Variants in PRKG2 observed in about 807,000 individuals in gnomAD.
PRKG2 encodes the protein protein kinase cGMP-dependent 2, also known as cGMP-dependent protein kinase 2.
Under a neutral mutation model 97.2 loss-of-function variants are expected in PRKG2, and 33 were observed. That is an observed-to-expected ratio of 0.34 (90% CI 0.26 to 0.45). PRKG2 has a LOEUF of 0.45. Ranked by LOEUF, PRKG2 falls within the 20% of genes least tolerant of loss-of-function variation. The pLI, the probability that PRKG2 is intolerant of heterozygous loss-of-function variation, is 1.00. For missense variants in PRKG2, 638 were observed against 900.0 expected, an observed-to-expected ratio of 0.71 and a Z score of 3.73; for synonymous variants, 330 against 321.8, an observed-to-expected ratio of 1.03 and a Z score of -0.27.
chr4:81,191,812 G>A (rs1752548506), intron 2 of PRKG2, among the ~76,000 whole-genome samples: 1 of 152,028 alleles, frequency 6.6e-6, no homozygotes, highest in South Asian at 2.1e-4. Flanking sequence ...CAGCAGAATG[G>A]CCAAAATGAA....
At chr4:81,158,749 G>A (rs1344978887) in intron 6 of PRKG2, among the ~76,000 whole-genome samples, 2 of 152,046 alleles carry the variant, frequency 1.3e-5, no homozygotes, top group Admixed American at 6.5e-5. Flanking sequence ...CCAAAACAGA[G>A]ATATAGATCA....
In PRKG2 at chr4:81,184,561, TC is replaced by T. The variant is rs555295568; in HGVS notation, c.462-9603del. Among the ~76,000 whole-genome samples, 3 of 152,104 alleles carry T rather than the reference TC, an allele frequency of 2.0e-5. No individual in the cohort carries two copies. In the South Asian group the frequency reaches 6.2e-4, roughly 32 times the overall value. Reference sequence around the variant, plus strand: ...AAACCAGTACAAAAAGGCTGAAAATTCCAAAAACCAGAATGCCTCCCCTCCA... The same window carrying T: ...AAACCAGTACAAAAAGGCTGAAAATTCAAAAACCAGAATGCCTCCCCTCCA... On this transcript the variant is annotated intron_variant, in intron 2 of 18. Transcript: ENST00000264399.
chr4:81,089,512 T>C lies in PRKG2; in HGVS notation c.*196A>G, dbSNP rs1741339824. ...AGCAAATAATGTAATACATCAATAA[T>C]TCACAGCATCTAAATAAGACACTAT... On this transcript the variant is annotated 3_prime_UTR_variant, in exon 19 of 19. Coordinates refer to ENST00000264399, the MANE Select transcript of PRKG2 (RefSeq NM_006259.3). 4.5e-6 allele frequency: 2 copies of C among 448,292 alleles called. No individual in the cohort carries two copies. The highest frequency in any genetic ancestry group is 6.8e-5 in the East Asian group (2 of 29,250). 27.8% of individuals were successfully genotyped at this position (448,292 alleles called of 1,614,324 possible). A position where few individuals can be genotyped will look rare whatever the true frequency, so the allele number is the denominator to read the frequency against.
chr4:81,213,190 GC>G (rs1754096759), intron 1 of PRKG2, among the ~76,000 whole-genome samples: 1 of 151,958 alleles, frequency 6.6e-6, no homozygotes, highest in African/African-American at 2.4e-5. Context: ...GCAGGTAGAA[GC>G]AAAAAAGAAA....
chr4:81,217,080 A>G (rs1754307843), upstream of PRKG2, among the ~76,000 whole-genome samples: 3 of 146,576 alleles, frequency 2.0e-5, no homozygotes, highest in Admixed American at 2.1e-4. Context: ...ATAAAACCAC[A>G]TTTATAAATC....
intron 9 of PRKG2, 109 bp downstream of exon 9, chr4:81,148,775 A>T: frequency 1.1e-6 from 1 of 928,418 alleles, no homozygotes; most frequent in South Asian, 1.4e-5. Context: ...GAGATCGGCC[A>T]GTATTTCCAA....
intron 14 of PRKG2, among the ~76,000 whole-genome samples, chr4:81,130,219 T>C (rs1746033018): frequency 6.6e-6 from 1 of 152,204 alleles, no homozygotes; most frequent in East Asian, 1.9e-4. Flanking sequence ...ATGCTATTCC[T>C]TTCTGTTTGT....
intron 2 of PRKG2, among the ~76,000 whole-genome samples, chr4:81,198,169 C>T (rs1023678455): frequency 6.6e-6 from 1 of 152,146 alleles, no homozygotes; most frequent in African/African-American, 2.4e-5. Flanking sequence ...TAACGCCTAG[C>T]AACTAAGACT....
At chr4:81,108,477 G>GTTTTT (rs58784804) in intron 15 of PRKG2, among the ~76,000 whole-genome samples, 1 of 138,774 alleles carries the variant, frequency 7.2e-6, no homozygotes, top group Non-Finnish European at 1.6e-5. Flanking sequence ...AACACTATTG[G>GTTTTT]TTTTTTTTTT....
chr4:81,087,599 C>A lies in PRKG2; in HGVS notation c.*2109G>T, dbSNP rs1306662012. The A allele has an allele frequency of 6.6e-6, 1 of 152,076 alleles. No homozygotes were observed. The highest frequency in any genetic ancestry group is 2.4e-5 in the African/African-American group (1 of 41,432). 9.4% of individuals were successfully genotyped at this position (152,076 alleles called of 1,614,324 possible). On this transcript the variant is annotated 3_prime_UTR_variant, in exon 19 of 19. Transcript: ENST00000264399. ...CAAAAGACTCTCTACATAACTTAAT[C>A]CCTGAAACAAACCTCTAAGTAAATA... is the stretch of plus-strand genomic sequence containing the variant.
chr4:81,119,686 T>C (rs1466427601), intron 14 of PRKG2, among the ~76,000 whole-genome samples: 4 of 152,178 alleles, frequency 2.6e-5, no homozygotes, highest in Admixed American at 1.3e-4. Flanking sequence ...GAATTTTTTT[T>C]TTTTTTTAGG....
At chr4:81,164,773 C>T (rs1749845249) in intron 6 of PRKG2, among the ~76,000 whole-genome samples, 2 of 152,124 alleles carry the variant, frequency 1.3e-5, no homozygotes, top group African/African-American at 4.8e-5. Context: ...CTCATCCCAG[C>T]CTCAAACACC....
intron 3 of PRKG2, among the ~76,000 whole-genome samples, chr4:81,172,601 G>A (rs1750584020): frequency 6.6e-6 from 1 of 151,868 alleles, no homozygotes. Context: ...TTCTTTTTTT[G>A]CCTTGGCAGC....
chr4:81,097,127 C>T (rs1742196397), intron 17 of PRKG2, among the ~76,000 whole-genome samples: 1 of 152,144 alleles, frequency 6.6e-6, no homozygotes, highest in Non-Finnish European at 1.5e-5. Context: ...TGTGCCACTG[C>T]ACTCCAGCCT....
In PRKG2 at chr4:81,105,779, T is replaced by C. The variant is rs751432674; in HGVS notation, c.2063+34A>G. 3.1e-6 allele frequency: 5 copies of C among 1,608,706 alleles called. No individual in the cohort carries two copies. In the Admixed American group the frequency reaches 8.4e-5, roughly 27 times the overall value. Reference sequence around the variant, plus strand: ...CAGAAACCGAAGCCTTTAGACTTTCTTCAAGACAAGGGGTTACTGACTGTC... The same window carrying C: ...CAGAAACCGAAGCCTTTAGACTTTCCTCAAGACAAGGGGTTACTGACTGTC... On this transcript the variant is annotated intron_variant, in intron 16 of 18. Transcript: ENST00000264399.
chr4:81,204,044 T>C (rs1423891170), intron 2 of PRKG2, among the ~76,000 whole-genome samples: 1 of 152,214 alleles, frequency 6.6e-6, no homozygotes, highest in Non-Finnish European at 1.5e-5. Context: ...GTATACTGTT[T>C]ACCGCCCCTG....
At chr4:81,182,895 T>C (rs932296333) in intron 2 of PRKG2, among the ~76,000 whole-genome samples, 1 of 152,006 alleles carries the variant, frequency 6.6e-6, no homozygotes, top group Non-Finnish European at 1.5e-5. Flanking sequence ...CCTAACTAAA[T>C]GGAGGAATAT....
chr4:81,122,709 A>T (rs1261028885), intron 14 of PRKG2, among the ~76,000 whole-genome samples: 1 of 152,094 alleles, frequency 6.6e-6, no homozygotes, highest in African/African-American at 2.4e-5. Flanking sequence ...CTGACCCCTC[A>T]TAGATATTGC....
At position 81,100,769 on chromosome 4, in the gene PRKG2, G is replaced by A. The variant is rs1226647509; in HGVS notation, c.2126+3601C>T. Among the ~76,000 whole-genome samples the A allele has an allele frequency of 2.0e-5, 3 of 152,260 alleles. No homozygotes were observed. The South Asian group carries it at 6.2e-4, about 32-fold the overall frequency. Reference sequence around the variant, plus strand: ...CACAGCAAAAGAAACTACCATCAGAGTGAACAGGCAACCTACAGAATGGGA... The same window carrying A: ...CACAGCAAAAGAAACTACCATCAGAATGAACAGGCAACCTACAGAATGGGA... On this transcript the variant is annotated intron_variant, in intron 17 of 18. Coordinates refer to ENST00000264399, the MANE Select transcript of PRKG2 (RefSeq NM_006259.3).
Sources: gnomAD v4.1 joint callset for allele counts (sites outside exome capture counted in the v4.1 genomes callset) on GRCh38, gnomAD v4.1.1 for gene constraint, MANE v1.5 for transcripts, NCBI Gene and HGNC (gene_info 2026-07-23, HGNC 2026-07-21) for gene names.